The following SAMD11 variants were observed in gnomAD, a reference collection of about 807,000 sequenced individuals.
SAMD11 encodes sterile alpha motif domain containing 11, also known as sterile alpha motif domain-containing protein 11.
A neutral mutation model predicts 64.4 loss-of-function variants in SAMD11; 77 were observed. The observed-to-expected ratio is 1.20, with a 90% CI of 0.99 to 1.44. The LOEUF (loss-of-function observed/expected upper bound fraction) is 1.44. Ranked by LOEUF, SAMD11 falls within the 40% of genes most tolerant of loss-of-function variation. The pLI is 0.00. For synonymous variants in SAMD11, 658 were observed against 421.9 expected (o/e 1.56, Z -6.86); for missense variants, 1,402 against 943.3 (o/e 1.49, Z -6.37).
Position 935,735 on chromosome 1 carries a change from G to T in SAMD11, c.843-37G>T. On this transcript the variant is annotated intron_variant, in intron 4 of 13. Coordinates refer to ENST00000616016, the MANE Select transcript of SAMD11 (RefSeq NM_001385641.1). The stretch of plus-strand genomic sequence containing the variant: ...CAGGCTGGGCTCCAGCCTCGCAGCT[G>T]CCCACGGGGTCAGCTTTTCCCGGTC... 9 of 1,611,984 alleles carry T rather than the reference G, an allele frequency of 5.6e-6. No homozygotes were observed. The South Asian group carries it at 9.9e-5, about 18-fold the overall frequency.
At chr1:931,200 C>A in intron 4 of SAMD11, 111 bp downstream of exon 4, 2 of 947,556 alleles carry the variant, frequency 2.1e-6, no homozygotes, top group East Asian at 2.9e-5. Flanking sequence ...TGAGCTGATG[C>A]TGTGATGCTG....
In SAMD11 at chr1:938,919, A is replaced by G. The variant is rs531910301; in HGVS notation, c.968-121A>G. 5.6e-5 allele frequency: 48 copies of G among 851,806 alleles called. No homozygotes were observed. In the Admixed American group the frequency reaches 7.3e-4, roughly 13 times the overall value. 52.8% of individuals were successfully genotyped at this position (851,806 alleles called of 1,614,324 possible). A position where few individuals can be genotyped will look rare whatever the true frequency, so the allele number is the denominator to read the frequency against. On this transcript the variant is annotated intron_variant, in intron 5 of 13. Transcript: ENST00000616016. ...GCTGCCAGGGCTGGGCAAGGCCTGT[A>G]CTCACCAGGACCAAGGGCCCCCTGA... is the stretch of plus-strand genomic sequence containing the variant.
intron 7 of SAMD11, among the ~76,000 whole-genome samples, chr1:939,902 G>A (rs991640943): frequency 4.6e-5 from 7 of 152,240 alleles, no homozygotes; most frequent in Non-Finnish European, 7.4e-5. Context: ...CTGAAGAGAC[G>A]CCAGCTGGAG....
chr1:943,094 C>G (rs183873661), intron 11 of SAMD11, 36 bp downstream of exon 11: 2 of 1,553,626 alleles, frequency 1.3e-6, no homozygotes, highest in Non-Finnish European at 8.7e-7. Flanking sequence ...TTCCAGAGGG[C>G]ACAGGACTGG....
Position 943,716 on chromosome 1 carries a change from A to T in SAMD11, c.2197A>T (p.Ile733Phe). The T allele has an allele frequency of 6.4e-7, 1 of 1,563,298 alleles. No individual in the cohort carries two copies. Among genetic ancestry groups the T allele is most frequent in the Non-Finnish European group, 8.7e-7 (1 of 1,151,304 alleles). The change falls in exon 13 of 14, where the codon ATC becomes TTC. Residue 733 changes from isoleucine (I) to phenylalanine (F), a missense_variant. Physicochemically the swap from Ile to Phe is conservative, Grantham distance 21. Coordinates refer to ENST00000616016, the MANE Select transcript of SAMD11 (RefSeq NM_001385641.1). ...EYTRVFREQG[I>F]DGETLPLLTE... ...CTTCCAGGTCTTCAGGGAGCAGGGG[A>T]TCGACGGGGAGACCCTGCCACTGCT...
At chr1:943,089 G>A in intron 11 of SAMD11, 31 bp downstream of exon 11, 1 of 1,548,010 alleles carries the variant, frequency 6.5e-7, no homozygotes, top group Non-Finnish European at 8.7e-7. Flanking sequence ...GATCCTTCCA[G>A]AGGGCACAGG....
intron 2 of SAMD11, among the ~76,000 whole-genome samples, chr1:929,638 T>C (rs1406297418): frequency 6.6e-6 from 1 of 152,134 alleles, no homozygotes; most frequent in Non-Finnish European, 1.5e-5. Flanking sequence ...ACGTGCGCAT[T>C]TGAGTGCACG....
At chr1:940,805 C>T (rs933502429) in intron 7 of SAMD11, among the ~76,000 whole-genome samples, 1 of 152,240 alleles carries the variant, frequency 6.6e-6, no homozygotes, top group Non-Finnish European at 1.5e-5. Context: ...CTGGCTGGCA[C>T]TTCTGGACTC....
intron 8 of SAMD11, among the ~76,000 whole-genome samples, 170 bp downstream of exon 8, chr1:941,476 G>T (rs577560386): frequency 7.2e-4 from 110 of 152,146 alleles, no homozygotes; most frequent in African/African-American, 2.6e-3. Context: ...AGTGTTGAGG[G>T]CGCCACTGGG....
At chr1:943,513 C>T (rs1481780746) in intron 12 of SAMD11, 136 bp downstream of exon 12, 1 of 894,056 alleles carries the variant, frequency 1.1e-6, no homozygotes. Context: ...AGGGACTGGA[C>T]TGTGCACCCC....
intron 4 of SAMD11, among the ~76,000 whole-genome samples, chr1:931,885 G>A (rs1641184199): frequency 6.6e-6 from 1 of 152,198 alleles, no homozygotes; most frequent in African/African-American, 2.4e-5. Context: ...TGGTAAGTCT[G>A]TGAACAGAGC....
chr1:935,984 A>C, intron 5 of SAMD11, 88 bp downstream of exon 5: 1 of 1,405,136 alleles, frequency 7.1e-7, no homozygotes, highest in Non-Finnish European at 9.7e-7. Context: ...CAGCCTTGGC[A>C]GGCAGCCAGA....
intron 7 of SAMD11, among the ~76,000 whole-genome samples, chr1:939,815 G>A (rs1018285270): frequency 1.3e-5 from 2 of 152,164 alleles, no homozygotes; most frequent in African/African-American, 4.8e-5. Flanking sequence ...GCCTGCCCCA[G>A]GAGCCTGGGG....
intron 1 of SAMD11, among the ~76,000 whole-genome samples, chr1:925,388 G>C (rs1481232874): frequency 7.7e-6 from 1 of 130,448 alleles, no homozygotes; most frequent in African/African-American, 2.5e-5. Context: ...GAGCGGCGGC[G>C]CCAGGTCACA....
At chr1:943,585 A>G in intron 12 of SAMD11, 113 bp from the exon 13 acceptor site, 1 of 1,140,066 alleles carries the variant, frequency 8.8e-7, no homozygotes, top group Non-Finnish European at 1.2e-6. Context: ...AACCCAACAG[A>G]TCACTGTTTT....
intron 1 of SAMD11, among the ~76,000 whole-genome samples, chr1:925,503 T>G (rs2100287157): frequency 6.6e-6 from 1 of 152,060 alleles, no homozygotes; most frequent in East Asian, 1.9e-4. Context: ...CGCGGGGAGT[T>G]AAAAAGTTCG....
intron 1 of SAMD11, among the ~76,000 whole-genome samples, chr1:925,347 G>A (rs1457010363): frequency 6.7e-6 from 1 of 149,570 alleles, no homozygotes; most frequent in Non-Finnish European, 1.5e-5. Context: ...GGGGGAGGCT[G>A]CGGGGCGGCG....
intron 5 of SAMD11, among the ~76,000 whole-genome samples, chr1:938,455 C>T (rs983378316): frequency 2.0e-5 from 3 of 152,166 alleles, no homozygotes; most frequent in African/African-American, 7.2e-5. Flanking sequence ...CTAGCTCAGG[C>T]AGGACTGGGC....
chr1:942,001 G>A (rs559635742), intron 8 of SAMD11, 135 bp from the exon 9 acceptor site: 1 of 385,316 alleles, frequency 2.6e-6, no homozygotes, highest in South Asian at 1.2e-4. Flanking sequence ...GATGGCGCGC[G>A]ACCTGGGGCC....
Sources: gnomAD v4.1 joint callset for allele counts (sites outside exome capture counted in the v4.1 genomes callset) on GRCh38, gnomAD v4.1.1 for gene constraint, MANE v1.5 for transcripts, NCBI Gene and HGNC (gene_info 2026-07-23, HGNC 2026-07-21) for gene names.